GJA9: variants seen among roughly 807,000 people sequenced by gnomAD.
GJA9 encodes gap junction protein alpha 9, also known as gap junction alpha-9 protein.
In GJA9, 1 loss-of-function variant was observed where a neutral mutation model predicts 0.4. That is an observed-to-expected ratio of 2.50 (90% CI 0.89 to 11.88). The LOEUF (loss-of-function observed/expected upper bound fraction) is 11.88, where lower values mean the gene tolerates loss of function less well. Ranked by LOEUF, GJA9 falls within the 30% of genes most tolerant of loss-of-function variation. The pLI is 0.12. For missense variants in GJA9, 550 were observed against 602.8 expected, an observed-to-expected ratio of 0.91 and a Z score of 0.92; for synonymous variants, 190 against 219.1, an observed-to-expected ratio of 0.87 and a Z score of 1.17.
At chr1:38,877,239 A>T (rs1159381992) in intron 1 of GJA9, among the ~76,000 whole-genome samples, 1 of 147,550 alleles carries the variant, frequency 6.8e-6, no homozygotes, top group African/African-American at 2.5e-5. Flanking sequence ...ATGTTTCTCC[A>T]TGTTGGCCAG....
chr1:38,875,986 C>A lies in GJA9; in HGVS notation c.113G>T (p.Gly38Val), dbSNP rs927783567. 9 of 1,614,088 alleles carry A rather than the reference C, an allele frequency of 5.6e-6. No homozygotes were observed. The highest frequency in any genetic ancestry group is 1.3e-5 in the African/African-American group (1 of 74,918). The change falls in exon 2 of 2, where the codon GGT (glycine) becomes GTT (valine). Residue 38 changes from glycine (G) to valine (V), a missense_variant. Physicochemically the swap from Gly to Val is moderately radical, Grantham distance 109 (BLOSUM62 -3). Coordinates refer to ENST00000357771, the MANE Select transcript of GJA9 (RefSeq NM_030772.5). The stretch of plus-strand genomic sequence containing the variant: ...ATTCCAGACATCTTCAGCTGCTACA[C>A]CCAGAACAAGCATTCGAAATATGAA... ...ILFIFRMLVL[G>V]VAAEDVWNDE... is the part of the protein sequence containing the mutation.
Position 38,875,252 on chromosome 1 carries a change from CAG to C in GJA9, c.845_846del (p.Pro282ArgfsTer3), listed in dbSNP as rs1374703345. The C allele has an allele frequency of 5.6e-6, 9 of 1,614,106 alleles. No homozygotes were observed. The highest frequency in any genetic ancestry group is 6.8e-6 in the Non-Finnish European group (8 of 1,180,024). The stretch of plus-strand genomic sequence containing the variant: ...TGCTTTTCCACTAACAGATTATAAT[CAG>C]GGGCAGAAGGGAGTCGCTTCAGTGA... ...ANSLKRLPSA[P>X]DYNLLVEKQT... On this transcript the variant is annotated frameshift_variant, in exon 2 of 2. Coordinates refer to ENST00000357771, the MANE Select transcript of GJA9 (RefSeq NM_030772.5). LOFTEE classifies it low-confidence loss of function (END_TRUNC).
Position 38,874,898 on chromosome 1 carries a change from T to A in GJA9, c.1201A>T (p.Met401Leu). ...PGVAIDGENN[M>L]RQSPQTVFSL... ...AAAACTGTTTGGGGTGACTGCCTCA[T>A]GTTGTTCTCTCCATCTATAGCAACA... The change falls in exon 2 of 2, where the codon ATG (methionine) becomes TTG (leucine). Residue 401 changes from methionine to leucine, a missense_variant. Transcript: ENST00000357771. The A allele has an allele frequency of 6.2e-7, 1 of 1,614,194 alleles. No homozygotes were observed. Among genetic ancestry groups the A allele is most frequent in the Non-Finnish European group, 8.5e-7 (1 of 1,180,028 alleles).
intron 1 of GJA9, among the ~76,000 whole-genome samples, chr1:38,877,859 T>C (rs1292817335): frequency 1.3e-5 from 2 of 152,182 alleles, no homozygotes; most frequent in African/African-American, 4.8e-5. Flanking sequence ...CTTCATTTGA[T>C]AATTCAGTAA....
rs1642581606 is a variant in GJA9, at chr1:38,876,009, G to A, written c.90C>T (p.Phe30=). Residue 30 remains phenylalanine, a synonymous_variant, in exon 2 of 2, where the codon TTC becomes TTT. Coordinates refer to ENST00000357771, the MANE Select transcript of GJA9 (RefSeq NM_030772.5). ...MIGKIWLTIL[F]IFRMLVLGVA... Reference sequence around the variant, plus strand: ...CACCCAGAACAAGCATTCGAAATATGAACAGGATGGTGAGCCAGATCTTTC... The same window carrying A: ...CACCCAGAACAAGCATTCGAAATATAAACAGGATGGTGAGCCAGATCTTTC... 1.2e-6 allele frequency: 2 copies of A among 1,614,084 alleles called. No homozygotes were observed. The highest frequency in any genetic ancestry group is 2.7e-5 in the African/African-American group (2 of 74,942).
intron 1 of GJA9, among the ~76,000 whole-genome samples, chr1:38,877,813 T>C (rs1227886995): frequency 1.3e-5 from 2 of 152,174 alleles, no homozygotes; most frequent in Admixed American, 1.3e-4. Flanking sequence ...TCAGTGATTT[T>C]TAAATCTCAT....
At chr1:38,878,045 A>T (rs1405512436) in intron 1 of GJA9, among the ~76,000 whole-genome samples, 1 of 152,000 alleles carries the variant, frequency 6.6e-6, no homozygotes, top group Admixed American at 6.6e-5. Context: ...TAAAGTACTT[A>T]TTATACTTTA....
Position 38,875,810 on chromosome 1 carries a change from A to G in GJA9, c.289T>C (p.Leu97=), listed in dbSNP as rs536962551. 8 of 1,614,216 alleles carry G rather than the reference A, an allele frequency of 5.0e-6. No homozygotes were observed. The South Asian group carries it at 7.7e-5, about 16-fold the overall frequency. Residue 97 remains leucine (L), a synonymous_variant, in exon 2 of 2, where the codon TTG becomes CTG. Transcript: ENST00000357771. ...SPSLVYMGHA[L]YRLRVLEEER... Reference sequence around the variant, plus strand: ...TCCTCAAGAACTCTCAGTCGGTACAATGCATGGCCCATGTAGACCAGGGAT... The same window carrying G: ...TCCTCAAGAACTCTCAGTCGGTACAGTGCATGGCCCATGTAGACCAGGGAT...
At chr1:38,877,062 C>T (rs1383659825) in intron 1 of GJA9, among the ~76,000 whole-genome samples, 142 of 131,118 alleles carry the variant, frequency 1.1e-3, no homozygotes, top group African/African-American at 3.5e-3. Context: ...TTTTTTGAGA[C>T]GGAGTCTCAC....
intron 1 of GJA9, among the ~76,000 whole-genome samples, chr1:38,879,919 C>G (rs1357231394): frequency 1.3e-5 from 2 of 151,494 alleles, no homozygotes; most frequent in Non-Finnish European, 2.9e-5. Context: ...TTAGTAGAGA[C>G]GGGGTTTCAC....
chr1:38,877,658 C>CCG (rs886961951), intron 1 of GJA9, among the ~76,000 whole-genome samples: 1 of 151,962 alleles, frequency 6.6e-6, no homozygotes, highest in Admixed American at 6.6e-5. Context: ...CAACACCCCC[C>CCG]GGGATAATTT....
intron 1 of GJA9, among the ~76,000 whole-genome samples, chr1:38,876,879 G>C (rs963435577): frequency 6.6e-6 from 1 of 151,870 alleles, no homozygotes; most frequent in African/African-American, 2.4e-5. Context: ...TGTAGTCCCA[G>C]CTACTCGGGA....
chr1:38,875,340 AT>A lies in GJA9; in HGVS notation c.758del (p.Asn253MetfsTer12). The A allele has an allele frequency of 6.2e-7, 1 of 1,614,204 alleles. No individual in the cohort carries two copies. Among genetic ancestry groups the A allele is most frequent in the East Asian group, 2.2e-5 (1 of 44,882 alleles). On this transcript the variant is annotated frameshift_variant, in exon 2 of 2. Transcript: ENST00000357771. LOFTEE classifies it low-confidence loss of function (END_TRUNC). Reference protein sequence around the residue: ...WGKYKLKKEHNEFHANKAKQN... With the variant: ...WGKYKLKKEHXEFHANKAKQN... ...GTTTTGCCTTGTTTGCATGGAATTC[AT>A]TATGTTCCTTCTTCAACTTGTATTT...
In GJA9 at chr1:38,875,370, C is replaced by A; in HGVS notation, c.729G>T (p.Trp243Cys). Residue 243 changes from tryptophan to cysteine, a missense_variant, in exon 2 of 2, where the codon TGG becomes TGT. Trp to Cys is a radical substitution (Grantham distance 215). Coordinates refer to ENST00000357771, the MANE Select transcript of GJA9 (RefSeq NM_030772.5). Reference sequence around the variant, plus strand: ...GTTCCTTCTTCAACTTGTATTTTCCCCAAAGCCCTCTTTTAATCTTTTTAA... The same window carrying A: ...GTTCCTTCTTCAACTTGTATTTTCCACAAAGCCCTCTTTTAATCTTTTTAA... ...LGFKKIKRGL[W>C]GKYKLKKEHN... is the part of the protein sequence containing the mutation. 6.2e-7 allele frequency: 1 copy of A among 1,614,000 alleles called. No homozygotes were observed. Among genetic ancestry groups the A allele is most frequent in the Non-Finnish European group, 8.5e-7 (1 of 1,180,010 alleles).
intron 1 of GJA9, among the ~76,000 whole-genome samples, chr1:38,879,954 T>C (rs1228310544): frequency 6.6e-6 from 1 of 151,548 alleles, no homozygotes; most frequent in Admixed American, 6.6e-5. Context: ...CCTGACCTCG[T>C]GATCCTCCCG....
rs1275771130 is a variant in GJA9 at position 38,876,050 on chromosome 1, G to A, written c.49C>T (p.His17Tyr). ...LGDTLEEVHI[H>Y]STMIGKIWLT... Reference sequence around the variant, plus strand: ...CAGATCTTTCCAATCATGGTGGAGTGGATGTGAACTTCCTCCAGAGTATCT... The same window carrying A: ...CAGATCTTTCCAATCATGGTGGAGTAGATGTGAACTTCCTCCAGAGTATCT... The change falls in exon 2 of 2, where the codon CAC (histidine) becomes TAC (tyrosine). Residue 17 changes from histidine (H) to tyrosine (Y), a missense_variant. His to Tyr is a moderately conservative substitution (Grantham distance 83). Coordinates refer to ENST00000357771, the MANE Select transcript of GJA9 (RefSeq NM_030772.5). 6.2e-7 allele frequency: 1 copy of A among 1,614,142 alleles called. No individual in the cohort carries two copies.
Position 38,881,553 on chromosome 1 carries a change from T to A in GJA9, c.-217A>T, listed in dbSNP as rs1206042935. The A allele has an allele frequency of 7.3e-6, 5 of 688,406 alleles. No individual in the cohort carries two copies. Among genetic ancestry groups the A allele is most frequent in the African/African-American group, 1.8e-5 (1 of 56,642 alleles). The allele number at this position is 688,406 out of a possible 1,614,324, so 42.6% of individuals were successfully genotyped here. A position where few individuals can be genotyped will look rare whatever the true frequency, so the allele number is the denominator to read the frequency against. On this transcript the variant is annotated 5_prime_UTR_variant, in exon 1 of 2. Coordinates refer to ENST00000357771, the MANE Select transcript of GJA9 (RefSeq NM_030772.5). ...ATAGAGCAGATTCAGTTCAGTTGAA[T>A]GTAGTGAGTGAGTCATCCATCAACT...
chr1:38,876,345 C>T, intron 1 of GJA9, 152 bp from the exon 2 acceptor site: 1 of 487,366 alleles, frequency 2.1e-6, no homozygotes, highest in Admixed American at 3.8e-5. Flanking sequence ...GCAACCACAA[C>T]TCCCTGCAGC....
chr1:38,874,420 C>G lies in GJA9; in HGVS notation c.*131G>C. On this transcript the variant is annotated 3_prime_UTR_variant, in exon 2 of 2. Coordinates refer to ENST00000357771, the MANE Select transcript of GJA9 (RefSeq NM_030772.5). ...TCGAATTAGAGCTGTTTTTCTCTTG[C>G]TTAAATGAGTTTGCAGTTGTCTGTC... 1.6e-6 allele frequency: 1 copy of G among 638,680 alleles called. No homozygotes were observed. Among genetic ancestry groups the G allele is most frequent in the Non-Finnish European group, 2.7e-6 (1 of 373,038 alleles). The allele number at this position is 638,680 out of a possible 1,614,324, so 39.6% of individuals were successfully genotyped here. A position where few individuals can be genotyped will look rare whatever the true frequency, so the allele number is the denominator to read the frequency against.
Sources: allele counts gnomAD v4.1 joint callset (sites outside exome capture counted in the v4.1 genomes callset), GRCh38; gene constraint gnomAD v4.1.1; transcripts MANE v1.5; gene names NCBI Gene and HGNC (gene_info 2026-07-23, HGNC 2026-07-21).